The following NEBL variants were observed in gnomAD, a reference collection of about 807,000 sequenced individuals.
The protein encoded by NEBL is nebulette.
NEBL carries 122 observed loss-of-function variants against 140.2 expected under a neutral mutation model. That is an observed-to-expected ratio of 0.87 (90% CI 0.75 to 1.01). The LOEUF (loss-of-function observed/expected upper bound fraction) is 1.01. Ranked by LOEUF, NEBL falls within the 50% of genes least tolerant of loss-of-function variation. The pLI, the probability that NEBL is intolerant of heterozygous loss-of-function variation, is 0.00. For missense variants in NEBL, 1,365 were observed against 1,231.3 expected (o/e 1.11, Z -1.62); for synonymous variants, 436 against 398.9 (o/e 1.09, Z -1.11).
At chr10:20,798,294 C>T (rs747504298) in intron 26 of NEBL, among the ~76,000 whole-genome samples, 20 of 152,126 alleles carry the variant, frequency 1.3e-4, no homozygotes, top group South Asian at 4.2e-4. Flanking sequence ...ATTTCCAGCA[C>T]GTGGAAATAT....
chr10:21,158,478 A>G (rs933915892), intron 2 of NEBL, among the ~76,000 whole-genome samples: 6 of 152,212 alleles, frequency 3.9e-5, no homozygotes, highest in Non-Finnish European at 8.8e-5. Flanking sequence ...TGCAGATGGG[A>G]TAACTGAGAC....
intron 26 of NEBL, among the ~76,000 whole-genome samples, chr10:20,800,531 A>C: frequency 6.6e-6 from 1 of 152,042 alleles, no homozygotes; most frequent in Non-Finnish European, 1.5e-5. Flanking sequence ...TTCTATTTTA[A>C]TTTCTTTAGG....
At chr10:20,930,346 C>T (rs1277496456) in intron 4 of NEBL, among the ~76,000 whole-genome samples, 1 of 152,140 alleles carries the variant, frequency 6.6e-6, no homozygotes, top group African/African-American at 2.4e-5. Flanking sequence ...AATTCATCTT[C>T]TTTTCTCCAT....
At chr10:21,244,242 T>C (rs758579244) in intron 3 of NEBL, among the ~76,000 whole-genome samples, 1 of 151,942 alleles carries the variant, frequency 6.6e-6, no homozygotes, top group Non-Finnish European at 1.5e-5. Flanking sequence ...CTTGGCTCAC[T>C]GCAACCTCTG....
chr10:20,831,704 T>A, intron 14 of NEBL, 121 bp from the exon 15 acceptor site: 1 of 690,942 alleles, frequency 1.4e-6, no homozygotes, highest in Non-Finnish European at 2.5e-6. Flanking sequence ...CCTTATTTCT[T>A]TTATTTCTAT....
chr10:20,885,940 C>T (rs1399192204), intron 4 of NEBL, among the ~76,000 whole-genome samples: 1 of 152,144 alleles, frequency 6.6e-6, no homozygotes, highest in Admixed American at 6.5e-5. Context: ...ACTGCCAAGT[C>T]AGGTACACAG....
chr10:20,840,684 A>G, intron 13 of NEBL, 55 bp downstream of exon 13: 1 of 1,212,338 alleles, frequency 8.2e-7, no homozygotes, highest in Admixed American at 1.7e-5. Context: ...AGATTGACAA[A>G]TAAGAAAGTC....
intron 3 of NEBL, among the ~76,000 whole-genome samples, chr10:20,966,347 T>A (rs1388157777): frequency 2.0e-5 from 3 of 152,214 alleles, no homozygotes; most frequent in African/African-American, 7.2e-5. Flanking sequence ...TCTTAATTTG[T>A]TCTATTTATC....
At chr10:21,182,200 G>A (rs113675693) in intron 3 of NEBL, among the ~76,000 whole-genome samples, 4 of 151,148 alleles carry the variant, frequency 2.6e-5, no homozygotes, top group African/African-American at 7.3e-5. Context: ...GGTTGGGCAC[G>A]GTGGCTCACA....
At position 20,889,923 on chromosome 10, in the gene NEBL, C is replaced by T; in HGVS notation, c.180G>A (p.Lys60=). 6.2e-7 allele frequency: 1 copy of T among 1,607,192 alleles called. No homozygotes were observed. Among genetic ancestry groups the T allele is most frequent in the Non-Finnish European group, 8.5e-7 (1 of 1,175,044 alleles). Residue 60 remains lysine, a synonymous_variant, in exon 3 of 28, where the codon AAG becomes AAA. Transcript: ENST00000377122. ...SDIRYKEEFK[K]SKDKCTFVTD... ...TCACAAATGTACACTTATCCTTGGA[C>T]TTTTTAAACTCTTCTTTATAACGGA...
At chr10:21,233,086 A>T (rs1176875951) in intron 3 of NEBL, among the ~76,000 whole-genome samples, 1 of 152,200 alleles carries the variant, frequency 6.6e-6, no homozygotes, top group Non-Finnish European at 1.5e-5. Context: ...TTATTGAGAC[A>T]GAGTCTCACT....
At chr10:21,283,186 A>G (rs1040746092) in intron 1 of NEBL, among the ~76,000 whole-genome samples, 1 of 151,940 alleles carries the variant, frequency 6.6e-6, no homozygotes, top group Non-Finnish European at 1.5e-5. Flanking sequence ...AAAACCCACC[A>G]GAACCAAAAT....
intron 3 of NEBL, among the ~76,000 whole-genome samples, chr10:21,232,375 G>T (rs1193367933): frequency 2.0e-5 from 3 of 152,112 alleles, no homozygotes; most frequent in East Asian, 1.9e-4. Context: ...GTCGGTCGGG[G>T]GGTGGTTTCA....
At chr10:20,924,399 G>C (rs374457822) in intron 4 of NEBL, among the ~76,000 whole-genome samples, 135 of 105,758 alleles carry the variant, frequency 1.3e-3, no homozygotes, top group Non-Finnish European at 1.9e-3. Flanking sequence ...TATAGCTCTC[G>C]ATCAGGCATG....
chr10:21,141,395 GA>G (rs775283910), intron 2 of NEBL, among the ~76,000 whole-genome samples: 2 of 151,848 alleles, frequency 1.3e-5, no homozygotes, highest in South Asian at 2.1e-4. Context: ...GGTTTCAGGA[GA>G]AAAAAATAGC....
intron 2 of NEBL, among the ~76,000 whole-genome samples, chr10:21,046,430 T>G (rs773824806): frequency 2.6e-5 from 4 of 152,222 alleles, no homozygotes; most frequent in African/African-American, 4.8e-5. Flanking sequence ...TTACATAGTG[T>G]ACACATGTAT....
chr10:20,840,798 G>C lies in NEBL; in HGVS notation c.1279C>G (p.Leu427Val), dbSNP rs770142870. Residue 427 changes from leucine to valine, a missense_variant, in exon 13 of 28, where the codon CTT (leucine) becomes GTT (valine). Transcript: ENST00000377122. The part of the protein sequence containing the change: ...ENEIKGKGME[L>V]NSEVLDIQRA... The stretch of plus-strand genomic sequence containing the variant: ...TGGATATCAAGAACTTCTGAATTAA[G>C]TTCCATTCCTTTCCCTTTTATCTCA... 6.2e-7 allele frequency: 1 copy of C among 1,611,374 alleles called. No individual in the cohort carries two copies. Among genetic ancestry groups the C allele is most frequent in the African/African-American group, 1.3e-5 (1 of 74,808 alleles).
At chr10:21,272,956 G>T (rs1054227801) in intron 1 of NEBL, among the ~76,000 whole-genome samples, 2 of 152,172 alleles carry the variant, frequency 1.3e-5, no homozygotes, top group African/African-American at 4.8e-5. Flanking sequence ...TGGATGTACA[G>T]AATAGACAAG....
intron 4 of NEBL, among the ~76,000 whole-genome samples, chr10:20,933,807 C>T (rs548204997): frequency 6.6e-6 from 1 of 152,238 alleles, no homozygotes; most frequent in East Asian, 1.9e-4. Flanking sequence ...TCAGATACAA[C>T]ACAAATGACA....
Sources: gnomAD v4.1 joint callset for allele counts (sites outside exome capture counted in the v4.1 genomes callset) on GRCh38, gnomAD v4.1.1 for gene constraint, MANE v1.5 for transcripts, NCBI Gene and HGNC (gene_info 2026-07-23, HGNC 2026-07-21) for gene names.